Variants in CATSPER1 observed in about 807,000 individuals in gnomAD.
CATSPER1 encodes cation channel sperm associated 1.
CATSPER1 carries 57 observed loss-of-function variants against 72.7 expected under a neutral mutation model. The ratio of observed to expected loss-of-function variants is 0.78; its 90% CI spans 0.63 to 0.98. The LOEUF is 0.98. Ranked by LOEUF, CATSPER1 falls within the 50% of genes least tolerant of loss-of-function variation. The probability of loss-of-function intolerance (pLI) is 0.00; values close to 1 mark genes in which losing one functional copy is unlikely to be tolerated. For synonymous variants in CATSPER1, 363 were observed against 403.0 expected (o/e 0.90, Z 1.19); for missense variants, 910 against 1,033.9 (o/e 0.88, Z 1.64).
chr11:66,017,164 G>T lies in CATSPER1; in HGVS notation c.2212C>A (p.Leu738Ile). The T allele has an allele frequency of 6.7e-7, 1 of 1,497,868 alleles. No homozygotes were observed. The allele number at this position is 1,497,868 out of a possible 1,614,324, so 92.8% of individuals were successfully genotyped here. ...FGTMTEKQQE[L>I]LFHYLQLVAS... ...ACCAGCTGCAGGTAATGGAACAGGA[G>T]CTCCTGCTGCCTGCGGGTGGGCGGG... The change falls in exon 11 of 12, where the codon CTC becomes ATC. Residue 738 changes from leucine (L) to isoleucine (I), a missense_variant. Leu to Ile is a conservative substitution (Grantham distance 5). Transcript: ENST00000312106.
chr11:66,019,030 G>A (rs554214687), intron 9 of CATSPER1, 128 bp from the exon 10 acceptor site: 11 of 761,228 alleles, frequency 1.4e-5, no homozygotes, highest in African/African-American at 3.4e-5. Flanking sequence ...TTGCTTCTCC[G>A]GGCATGCAGC....
rs945746624 is a variant in CATSPER1 at position 66,026,466 on chromosome 11, G to A, written c.-87C>T. Reference sequence around the variant, plus strand: ...GGATTTCCCTTCTTTCCTGAGCCAAGCTCAATGCAGACTGTGGCACTGGGC... The same window carrying A: ...GGATTTCCCTTCTTTCCTGAGCCAAACTCAATGCAGACTGTGGCACTGGGC... On this transcript the variant is annotated 5_prime_UTR_variant, in exon 1 of 12. Coordinates refer to ENST00000312106, the MANE Select transcript of CATSPER1 (RefSeq NM_053054.4). The A allele has an allele frequency of 2.5e-6, 4 of 1,597,162 alleles. No homozygotes were observed. In the African/African-American group the frequency reaches 4.0e-5, roughly 16 times the overall value.
In CATSPER1 at chr11:66,020,248, C is replaced by T. The variant is rs772608882; in HGVS notation, c.2065-48G>A. The T allele has an allele frequency of 1.8e-5, 29 of 1,613,684 alleles. No individual in the cohort carries two copies. The East Asian group carries it at 5.8e-4, about 32-fold the overall frequency. ...CTGCCAGAGTCCCAGGCCTGCTCAA[C>T]CCTGGAGGCCCCTGGCCTCACTCCT... On this transcript the variant is annotated intron_variant, in intron 8 of 11. Transcript: ENST00000312106. The surrounding 1 kb of genome is among the most constrained non-coding windows in gnomAD (Gnocchi z 4.5).
At position 66,017,509 on chromosome 11, in the gene CATSPER1, C is replaced by T. The variant is rs139309812; in HGVS notation, c.2202-335G>A. 7.8e-3 allele frequency among the ~76,000 whole-genome samples: 1,185 copies of T among 151,940 alleles called. 15 individuals carry two copies. The highest frequency in any genetic ancestry group is 0.027 in the African/African-American group (1,128 of 41,392). On this transcript the variant is annotated intron_variant, in intron 10 of 11. Transcript: ENST00000312106. ...TTATCCAGTCACTCACCCATCTGGC[C>T]CTCCAGCCACTCACAACTCACCTCC...
chr11:66,019,171 C>T (rs1856302977), intron 9 of CATSPER1, among the ~76,000 whole-genome samples: 2 of 152,144 alleles, frequency 1.3e-5, no homozygotes, highest in African/African-American at 4.8e-5. Context: ...TTAGCCCCAC[C>T]TCCAGCTTCA....
At chr11:66,022,500 G>A (rs553954483) in intron 2 of CATSPER1, among the ~76,000 whole-genome samples, 4 of 152,332 alleles carry the variant, frequency 2.6e-5, no homozygotes, top group South Asian at 2.1e-4. Context: ...AGCCTTCCCC[G>A]ACCTTACATC....
intron 1 of CATSPER1, among the ~76,000 whole-genome samples, chr11:66,024,729 T>A (rs1856457459): frequency 6.6e-6 from 1 of 152,110 alleles, no homozygotes; most frequent in South Asian, 2.1e-4. Context: ...GTGGGAGAAA[T>A]CTGGACAGAT....
intron 10 of CATSPER1, 120 bp downstream of exon 10, chr11:66,018,707 G>T: frequency 9.1e-7 from 1 of 1,104,260 alleles, no homozygotes; most frequent in Non-Finnish European, 1.4e-6. Flanking sequence ...TCATCCACAA[G>T]CCTCAGCGCT....
At chr11:66,022,554 A>T (rs895945523) in intron 2 of CATSPER1, among the ~76,000 whole-genome samples, 1 of 152,148 alleles carries the variant, frequency 6.6e-6, no homozygotes, top group Admixed American at 6.5e-5. Flanking sequence ...CCTTCCGCGA[A>T]GCTCGGGCTC....
In CATSPER1 at chr11:66,016,834, C is replaced by A. The variant is rs1856246516; in HGVS notation, c.*56G>T. ...GCAGATCTGGGGACCCGTCCCAGTG[C>A]ACCCAGGTGGGCAGACTGCCAGGGG... On this transcript the variant is annotated 3_prime_UTR_variant, in exon 12 of 12. Transcript: ENST00000312106. The A allele has an allele frequency of 3.2e-6, 5 of 1,582,764 alleles. No individual in the cohort carries two copies. Among genetic ancestry groups the A allele is most frequent in the Non-Finnish European group, 4.3e-6 (5 of 1,159,762 alleles).
rs1856345709 is a variant in CATSPER1 at position 66,020,736 on chromosome 11, C to T, written c.1927+75G>A. On this transcript the variant is annotated intron_variant, in intron 6 of 11. Coordinates refer to ENST00000312106, the MANE Select transcript of CATSPER1 (RefSeq NM_053054.4). This position sits in a 1 kb window ranked among gnomAD's most constrained non-coding sequence, Gnocchi z 4.5. ...GCAGGCATCAGAAGCCCCACTTTGC[C>T]GATGGGGTCACTGAGCCCTGGCCGG... 29 of 1,605,956 alleles carry T rather than the reference C, an allele frequency of 1.8e-5. 1 individual carries two copies. The South Asian group carries it at 2.6e-4, about 15-fold the overall frequency.
In CATSPER1 at chr11:66,026,059, G is replaced by A; in HGVS notation, c.321C>T (p.Ser107=). 2 of 1,614,006 alleles carry A rather than the reference G, an allele frequency of 1.2e-6. No homozygotes were observed. Among genetic ancestry groups the A allele is most frequent in the African/African-American group, 2.7e-5 (2 of 75,004 alleles). ...GLAPSQGAVP[S]HRSYGEDYHD... is the part of the protein sequence containing the mutation. Reference sequence around the variant, plus strand: ...GGTAGTCCTCACCGTAGGAACGGTGGGAGGGGACGGCGCCTTGAGAGGGAG... The same window carrying A: ...GGTAGTCCTCACCGTAGGAACGGTGAGAGGGGACGGCGCCTTGAGAGGGAG... The change falls in exon 1 of 12, where the codon TCC becomes TCT. Residue 107 remains serine, a synonymous_variant. Coordinates refer to ENST00000312106, the MANE Select transcript of CATSPER1 (RefSeq NM_053054.4).
intron 1 of CATSPER1, among the ~76,000 whole-genome samples, chr11:66,024,571 C>T (rs1046808626): frequency 2.0e-5 from 3 of 152,162 alleles, no homozygotes; most frequent in South Asian, 2.1e-4. Context: ...TGAGTCACCG[C>T]GCCTGGCCTG....
chr11:66,019,395 A>T (rs1374546494), intron 9 of CATSPER1, among the ~76,000 whole-genome samples: 1 of 148,242 alleles, frequency 6.7e-6, no homozygotes, highest in East Asian at 2.0e-4. Flanking sequence ...TCCCGCCTCA[A>T]CCTCCCGAGT....
In CATSPER1 at chr11:66,023,339, G is replaced by A. The variant is rs4930333; in HGVS notation, c.1217-278C>T. ...TCCTGGCCTCCAGGGCTTCCACCACGTAGATGCAGAAGAATATGGAGTCCA... is the reference window on the plus strand; with the variant it reads ...TCCTGGCCTCCAGGGCTTCCACCACATAGATGCAGAAGAATATGGAGTCCA... On this transcript the variant is annotated intron_variant, in intron 1 of 11. Transcript: ENST00000312106. Among the ~76,000 whole-genome samples the A allele has an allele frequency of 0.2, 30,608 of 151,188 alleles. 3,954 individuals are homozygous for A. Among genetic ancestry groups the A allele is most frequent in the Admixed American group, 0.34 (5,126 of 15,152 alleles).
At chr11:66,021,973 G>T in intron 2 of CATSPER1, 94 bp from the exon 3 acceptor site, 4 of 924,752 alleles carry the variant, frequency 4.3e-6, no homozygotes, top group Non-Finnish European at 7.1e-6. Context: ...AGATTCCCAG[G>T]CTCTCCCCGG....
At position 66,025,144 on chromosome 11, in the gene CATSPER1, G is replaced by T; in HGVS notation, c.1216+20C>A. ...CGCCAGGCAGCAGGAGTTGGCATGGGGGGCCCAGCAAAGACTCACTTTTGC... is the reference window on the plus strand; with the variant it reads ...CGCCAGGCAGCAGGAGTTGGCATGGTGGGCCCAGCAAAGACTCACTTTTGC... On this transcript the variant is annotated intron_variant, in intron 1 of 11. Coordinates refer to ENST00000312106, the MANE Select transcript of CATSPER1 (RefSeq NM_053054.4). 1 of 1,614,032 alleles carries T rather than the reference G, an allele frequency of 6.2e-7. No individual in the cohort carries two copies. The highest frequency in any genetic ancestry group is 1.1e-5 in the South Asian group (1 of 90,920).
chr11:66,022,846 T>TAA lies in CATSPER1; in HGVS notation c.1429+2_1429+3insTT. ...CATGGGAACAGGACTCCCTGGCTCT[T>TAA]ACCGCCCCGGATCTCGACTTCAGCG... On this transcript the variant is annotated splice_region_variant and intron_variant, in intron 2 of 11. Transcript: ENST00000312106. 2 of 1,614,178 alleles carry TAA rather than the reference T, an allele frequency of 1.2e-6. No homozygotes were observed. The highest frequency in any genetic ancestry group is 1.7e-6 in the Non-Finnish European group (2 of 1,180,002).
chr11:66,018,853 C>G lies in CATSPER1; in HGVS notation c.2175G>C (p.Glu725Asp). 3 of 1,613,890 alleles carry G rather than the reference C, an allele frequency of 1.9e-6. No homozygotes were observed. Among genetic ancestry groups the G allele is most frequent in the Non-Finnish European group, 2.5e-6 (3 of 1,180,002 alleles). ...SEGTMLKRLI[E>D]KKFGTMTEKQ... ...TCTCAGTCATGGTCCCAAACTTTTT[C>G]TCGATGAGCCGCTTCAGCATGGTGC... The change falls in exon 10 of 12, where the codon GAG (glutamate) becomes GAC (aspartate). Residue 725 changes from glutamate (E) to aspartate (D), a missense_variant. Transcript: ENST00000312106.
Sources: gnomAD v4.1 joint callset for allele counts (sites outside exome capture counted in the v4.1 genomes callset) on GRCh38, gnomAD v4.1.1 for gene constraint, Gnocchi (gnomAD v3.1) non-coding constraint, MANE v1.5 for transcripts, NCBI Gene and HGNC (gene_info 2026-07-23, HGNC 2026-07-21) for gene names.